The following ACOX3 variants were observed in gnomAD, a reference collection of about 807,000 sequenced individuals.
ACOX3 encodes the protein acyl-CoA oxidase 3, pristanoyl.
Under a neutral mutation model 81.5 loss-of-function variants are expected in ACOX3, and 73 were observed. That is an observed-to-expected ratio of 0.90 (90% CI 0.74 to 1.09). The LOEUF (loss-of-function observed/expected upper bound fraction) is 1.09, where lower values mean the gene tolerates loss of function less well. Ranked by LOEUF, ACOX3 falls within the 50% of genes least tolerant of loss-of-function variation. The probability of loss-of-function intolerance (pLI) is 0.00; values close to 1 mark genes in which losing one functional copy is unlikely to be tolerated. For synonymous variants in ACOX3, 387 were observed against 375.1 expected (o/e 1.03, Z -0.37); for missense variants, 947 against 928.0 (o/e 1.02, Z -0.27).
chr4:8,358,951 G>A, the ACOX3 span, among the ~76,000 whole-genome samples: 12 of 151,886 alleles, frequency 7.9e-5, no homozygotes, highest in East Asian at 1.9e-4. Flanking sequence ...TCTTTCTTGC[G>A]TGAGATCCAA....
At chr4:8,398,021 C>A (rs1023589040) in intron 8 of ACOX3, among the ~76,000 whole-genome samples, 5 of 152,158 alleles carry the variant, frequency 3.3e-5, no homozygotes, top group Non-Finnish European at 7.3e-5. Flanking sequence ...ATTAGCCAGG[C>A]CTGGCGGCGG....
In ACOX3 at chr4:8,405,957, A is replaced by G; in HGVS notation, c.774T>C (p.Asn258=). ...GCTCAGCAGCCTCTGTCACTCACCC[A>G]TTATCCAGACCGTTCTGCCCGAGTT... is the stretch of plus-strand genomic sequence containing the variant. The part of the protein sequence containing the change: ...GKKLGQNGLD[N]GFAMFHKVRV... The change falls in exon 7 of 18, where the codon AAT becomes AAC. Residue 258 remains asparagine (N), a splice_region_variant and synonymous_variant. Coordinates refer to ENST00000356406, the MANE Select transcript of ACOX3 (RefSeq NM_003501.3). This position sits in a 1 kb window ranked among gnomAD's most constrained non-coding sequence, Gnocchi z 7.1. 1 of 1,614,036 alleles carries G rather than the reference A, an allele frequency of 6.2e-7. No homozygotes were observed. The highest frequency in any genetic ancestry group is 8.5e-7 in the Non-Finnish European group (1 of 1,179,938).
At chr4:8,410,445 A>T in intron 5 of ACOX3, 90 bp from the exon 6 acceptor site, 3 of 1,508,106 alleles carry the variant, frequency 2.0e-6, no homozygotes, top group Non-Finnish European at 2.7e-6. Context: ...TCCATTTTCT[A>T]CGTTCAAAAT....
At position 8,416,217 on chromosome 4, in the gene ACOX3, CCT is replaced by C. The variant is rs991774617; in HGVS notation, c.144+159_144+160del. Among the ~76,000 whole-genome samples, 4 of 152,136 alleles carry C rather than the reference CCT, an allele frequency of 2.6e-5. No individual in the cohort carries two copies. The highest frequency in any genetic ancestry group is 6.5e-5 in the Admixed American group (1 of 15,270). On this transcript the variant is annotated intron_variant, in intron 2 of 17. Transcript: ENST00000356406. The surrounding 1 kb of genome is among the most constrained non-coding windows in gnomAD (Gnocchi z 4.2). The stretch of plus-strand genomic sequence containing the variant: ...TCATTTCCAGACTCCTCATCAATTC[CCT>C]GAGGCCTGTCCTGGGGTGCAGAGAG...
the ACOX3 span, chr4:8,357,463 GA>G: frequency 2.9e-6 from 1 of 343,994 alleles, no homozygotes; most frequent in African/African-American, 2.1e-5. Flanking sequence ...AGTTATAAGT[GA>G]TATCTATTTT....
intron 1 of ACOX3, chr4:8,436,431 A>G (rs1436190435): frequency 6.6e-6 from 1 of 152,230 alleles, no homozygotes; most frequent in Non-Finnish European, 1.5e-5. Flanking sequence ...GACTCTCAGT[A>G]TGCCTGTTTA....
intron 14 of ACOX3, among the ~76,000 whole-genome samples, chr4:8,378,002 C>A (rs55948237): frequency 6.6e-6 from 1 of 152,174 alleles, no homozygotes. Flanking sequence ...TCTGGACCAC[C>A]TCAGCTGCCC....
At position 8,399,218 on chromosome 4, in the gene ACOX3, C is replaced by T. The variant is rs1307151078; in HGVS notation, c.873+338G>A. Among the ~76,000 whole-genome samples the T allele has an allele frequency of 6.6e-6, 1 of 152,194 alleles. No individual in the cohort carries two copies. Among genetic ancestry groups the T allele is most frequent in the African/African-American group, 2.4e-5 (1 of 41,452 alleles). On this transcript the variant is annotated intron_variant, in intron 8 of 17. Transcript: ENST00000356406. The surrounding 1 kb of genome is among the most constrained non-coding windows in gnomAD (Gnocchi z 4.9). ...GACACCGGGGAACTCTGTTTGTCGT[C>T]CCCCTTTGTGGACAGTTCGCCAGGA... is the stretch of plus-strand genomic sequence containing the variant.
rs989049504 is a variant in ACOX3 at position 8,386,872 on chromosome 4, T to C, written c.1537+2301A>G. Among the ~76,000 whole-genome samples, 1 of 152,252 alleles carries C rather than the reference T, an allele frequency of 6.6e-6. No homozygotes were observed. The highest frequency in any genetic ancestry group is 1.5e-5 in the Non-Finnish European group (1 of 68,048). On this transcript the variant is annotated intron_variant, in intron 13 of 17. Transcript: ENST00000356406. The surrounding 1 kb of genome is among the most constrained non-coding windows in gnomAD (Gnocchi z 5.2). The stretch of plus-strand genomic sequence containing the variant: ...TGAACAAGGAAGTAGCCTGTAGGGC[T>C]GGAGACGGACAAGGACACACGCTCG...
At chr4:8,383,599 C>G (rs1717962977) in intron 13 of ACOX3, among the ~76,000 whole-genome samples, 1 of 152,184 alleles carries the variant, frequency 6.6e-6, no homozygotes, top group Non-Finnish European at 1.5e-5. Flanking sequence ...GTAGCCCTGC[C>G]CCATCCTGAC....
chr4:8,412,329 C>A (rs986110430), intron 5 of ACOX3, among the ~76,000 whole-genome samples: 2 of 152,266 alleles, frequency 1.3e-5, no homozygotes, highest in African/African-American at 4.8e-5. Context: ...TACGGGTCCG[C>A]TTGAGTTCAT....
At chr4:8,365,035 CCA>C (rs942067811), downstream of ACOX3, among the ~76,000 whole-genome samples, 2 of 152,084 alleles carry the variant, frequency 1.3e-5, no homozygotes, top group Admixed American at 1.3e-4. Flanking sequence ...AAGGAGCCGT[CCA>C]CACACACACG....
At chr4:8,383,398 T>C (rs2108832022) in intron 13 of ACOX3, among the ~76,000 whole-genome samples, 1 of 152,346 alleles carries the variant, frequency 6.6e-6, no homozygotes, top group South Asian at 2.1e-4. Flanking sequence ...AGTTGAGGTA[T>C]TCAGGTGAGG....
At chr4:8,377,099 A>G (rs1717062179) in intron 14 of ACOX3, among the ~76,000 whole-genome samples, 1 of 152,020 alleles carries the variant, frequency 6.6e-6, no homozygotes, top group Non-Finnish European at 1.5e-5. Flanking sequence ...CGATAATTCC[A>G]TTGAATCCTG....
At chr4:8,425,247 C>T (rs1004670814) in intron 1 of ACOX3, among the ~76,000 whole-genome samples, 3 of 151,906 alleles carry the variant, frequency 2.0e-5, no homozygotes, top group Non-Finnish European at 4.4e-5. Context: ...CCAAAAGAGC[C>T]GCAAGGTGGG....
At chr4:8,417,053 G>A (rs916709604) in intron 1 of ACOX3, among the ~76,000 whole-genome samples, 3 of 152,218 alleles carry the variant, frequency 2.0e-5, no homozygotes, top group Admixed American at 6.5e-5. Flanking sequence ...CTGATCACAG[G>A]CTTCTGCACT....
intron 6 of ACOX3, among the ~76,000 whole-genome samples, chr4:8,409,115 C>G (rs1398863601): frequency 2.0e-5 from 3 of 152,234 alleles, no homozygotes; most frequent in Non-Finnish European, 2.9e-5. Context: ...TGAAAAAAAT[C>G]TCTCTGGTCT....
Position 8,407,973 on chromosome 4 carries a change from G to A in ACOX3, c.688-1930C>T, listed in dbSNP as rs972040254. Among the ~76,000 whole-genome samples, 4 of 152,180 alleles carry A rather than the reference G, an allele frequency of 2.6e-5. No individual in the cohort carries two copies. Among genetic ancestry groups the A allele is most frequent in the Non-Finnish European group, 4.4e-5 (3 of 68,032 alleles). ...CCAGACGCCAGAAGTGCTCAGCCCA[G>A]CCCTGGGCATACAGGGCGCCCCAGT... On this transcript the variant is annotated intron_variant, in intron 6 of 17. Transcript: ENST00000356406. This position sits in a 1 kb window ranked among gnomAD's most constrained non-coding sequence, Gnocchi z 4.6.
rs1490908785 is a variant in ACOX3 at position 8,366,680 on chromosome 4, G to A, written c.*281C>T. ...GCTGAACCCTGAAAACTGAATGTGCGAAATTCTAATTATCAAAAAACCCAC... is the reference window on the plus strand; with the variant it reads ...GCTGAACCCTGAAAACTGAATGTGCAAAATTCTAATTATCAAAAAACCCAC... On this transcript the variant is annotated 3_prime_UTR_variant, in exon 18 of 18. Transcript: ENST00000356406. 7.9e-6 allele frequency: 2 copies of A among 254,732 alleles called. No individual in the cohort carries two copies. Among genetic ancestry groups the A allele is most frequent in the African/African-American group, 2.2e-5 (1 of 45,456 alleles). The allele number at this position is 254,732 out of a possible 1,614,324, so 15.8% of individuals were successfully genotyped here. A position where few individuals can be genotyped will look rare whatever the true frequency, so the allele number is the denominator to read the frequency against.
Sources: gnomAD v4.1 joint callset for allele counts (sites outside exome capture counted in the v4.1 genomes callset) on GRCh38, gnomAD v4.1.1 for gene constraint, Gnocchi (gnomAD v3.1) non-coding constraint, MANE v1.5 for transcripts, NCBI Gene and HGNC (gene_info 2026-07-23, HGNC 2026-07-21) for gene names.